Variants in TRIM23 observed in about 807,000 individuals in gnomAD.
TRIM23 encodes the protein tripartite motif containing 23, also known as E3 ubiquitin-protein ligase TRIM23.
A neutral mutation model predicts 71.0 loss-of-function variants in TRIM23; 27 were observed. The ratio of observed to expected loss-of-function variants is 0.38; its 90% confidence interval spans 0.28 to 0.52. The LOEUF (loss-of-function observed/expected upper bound fraction) is 0.52. Among genes scored for constraint, TRIM23 ranks in the 20% least tolerant of loss-of-function variants. TRIM23 has a pLI of 0.84. For missense variants in TRIM23, 482 were observed against 692.3 expected (o/e 0.70, Z 3.41); for synonymous variants, 234 against 238.0 (o/e 0.98, Z 0.16).
At chr5:65,601,149 A>C (rs1478072991) in intron 7 of TRIM23, among the ~76,000 whole-genome samples, 1 of 152,216 alleles carries the variant, frequency 6.6e-6, no homozygotes, top group Non-Finnish European at 1.5e-5. Context: ...GTATATATCC[A>C]AAAGACCATG....
chr5:65,605,073 T>C, intron 6 of TRIM23, 28 bp from the exon 7 acceptor site: 2 of 1,560,802 alleles, frequency 1.3e-6, no homozygotes, highest in South Asian at 1.2e-5. Context: ...ATATTTCTTA[T>C]AAACTTTTTA....
Position 65,618,247 on chromosome 5 carries a change from C to T in TRIM23, c.90G>A (p.Glu30=). The T allele has an allele frequency of 1.9e-6, 3 of 1,608,484 alleles. No individual in the cohort carries two copies. The highest frequency in any genetic ancestry group is 2.5e-6 in the Non-Finnish European group (3 of 1,178,198). ...SRGTAVVKVL[E]CGVCEDVFSL... is the part of the protein sequence containing the mutation. The stretch of plus-strand genomic sequence containing the variant: ...AAAAGACATCTTCACAAACTCCACA[C>T]TCTAGCACCTAATATTTGAAAAGGA... The change falls in exon 2 of 11, where the codon GAG becomes GAA. Residue 30 remains glutamate, a synonymous_variant. Transcript: ENST00000231524.
At chr5:65,613,146 T>A (rs972070577) in intron 3 of TRIM23, among the ~76,000 whole-genome samples, 2 of 152,192 alleles carry the variant, frequency 1.3e-5, no homozygotes, top group African/African-American at 4.8e-5. Flanking sequence ...AATAAACACA[T>A]GTACCATAAA....
chr5:65,604,896 A>C lies in TRIM23; in HGVS notation c.1179+15T>G. On this transcript the variant is annotated intron_variant, in intron 7 of 10. Transcript: ENST00000231524. ...TGTCAGAAAAAATACCTAAAAATAA[A>C]GTACAGTACATTACCTTTGTAAAAG... The C allele has an allele frequency of 6.4e-7, 1 of 1,556,058 alleles. No individual in the cohort carries two copies. Among genetic ancestry groups the C allele is most frequent in the Non-Finnish European group, 8.7e-7 (1 of 1,153,506 alleles).
chr5:65,609,091 G>T, intron 6 of TRIM23, 152 bp downstream of exon 6: 2 of 756,320 alleles, frequency 2.6e-6, no homozygotes, highest in Non-Finnish European at 4.3e-6. Context: ...TTCCATACTA[G>T]TGAAATAATT....
intron 3 of TRIM23, chr5:65,613,708 G>A (rs1345358391): frequency 1.7e-6 from 2 of 1,178,946 alleles, no homozygotes; most frequent in African/African-American, 3.2e-5. Flanking sequence ...TTTCCCCTCT[G>A]TATTAAATGG....
intron 2 of TRIM23, among the ~76,000 whole-genome samples, chr5:65,615,813 CT>C (rs1754764618): frequency 6.6e-6 from 1 of 152,210 alleles, no homozygotes; most frequent in Non-Finnish European, 1.5e-5. Context: ...TCACTTAATT[CT>C]GTGTCAAAAC....
intron 1 of TRIM23, among the ~76,000 whole-genome samples, chr5:65,620,896 C>A (rs10940045): frequency 0.27 from 40,356 of 147,702 alleles, 5,940 homozygotes; most frequent in South Asian, 0.35. Flanking sequence ...GGCAACACAG[C>A]GAGACCCTGT....
chr5:65,613,430 A>C (rs942519389), intron 3 of TRIM23, among the ~76,000 whole-genome samples: 1 of 152,232 alleles, frequency 6.6e-6, no homozygotes, highest in African/African-American at 2.4e-5. Context: ...TTGATCACCA[A>C]AATCATTAAC....
At chr5:65,607,558 C>A (rs1754541460) in intron 6 of TRIM23, among the ~76,000 whole-genome samples, 1 of 152,154 alleles carries the variant, frequency 6.6e-6, no homozygotes, top group African/African-American at 2.4e-5. Context: ...CCTGAAGCCT[C>A]CCCAGCCATG....
chr5:65,597,236 T>TAGAAAGTAA, intron 7 of TRIM23, 56 bp from the exon 8 acceptor site: 9 of 1,542,450 alleles, frequency 5.8e-6, no homozygotes, highest in Non-Finnish European at 8.0e-6. Flanking sequence ...GTAATAGCAT[T>TAGAAAGTAA]TAGCACCTTT....
intron 3 of TRIM23, 21 bp from the exon 4 acceptor site, chr5:65,611,902 G>A (rs924168435): frequency 6.3e-7 from 1 of 1,599,408 alleles, no homozygotes; most frequent in African/African-American, 1.3e-5. Context: ...AAAAATTAAT[G>A]CCTTAAAATT....
Sources: gnomAD v4.1 joint callset for allele counts (sites outside exome capture counted in the v4.1 genomes callset) on GRCh38, gnomAD v4.1.1 for gene constraint, MANE v1.5 for transcripts, NCBI Gene and HGNC (gene_info 2026-07-23, HGNC 2026-07-21) for gene names.